The following SKAP2 variants were observed in gnomAD, a reference collection of about 807,000 sequenced individuals.
SKAP2 encodes src kinase-associated phosphoprotein 2.
A neutral mutation model predicts 54.9 loss-of-function variants in SKAP2; 28 were observed. The ratio of observed to expected loss-of-function variants is 0.51; its 90% CI spans 0.38 to 0.70. The LOEUF is 0.70. Among genes scored for constraint, SKAP2 ranks in the 30% least tolerant of loss-of-function variants. The probability of loss-of-function intolerance (pLI) is 0.00; values close to 1 mark genes in which losing one functional copy is unlikely to be tolerated. For synonymous variants in SKAP2, 137 were observed against 134.3 expected (o/e 1.02, Z -0.14); for missense variants, 356 against 424.1 (o/e 0.84, Z 1.41).
chr7:26,778,348 A>C (rs1475451021), intron 4 of SKAP2, among the ~76,000 whole-genome samples: 1 of 152,094 alleles, frequency 6.6e-6, no homozygotes, highest in Non-Finnish European at 1.5e-5. Flanking sequence ...TGATGACTAA[A>C]TGAAATAATT....
At chr7:26,756,540 G>GTA (rs1219479008) in intron 4 of SKAP2, among the ~76,000 whole-genome samples, 4 of 152,104 alleles carry the variant, frequency 2.6e-5, no homozygotes, top group Admixed American at 6.5e-5. Flanking sequence ...GTATTCCATG[G>GTA]TATATATATG....
chr7:26,796,104 C>A (rs956969916), intron 4 of SKAP2, among the ~76,000 whole-genome samples: 1 of 152,138 alleles, frequency 6.6e-6, no homozygotes, highest in African/African-American at 2.4e-5. Context: ...ATAAAACATA[C>A]AAATATCTAT....
intron 1 of SKAP2, among the ~76,000 whole-genome samples, chr7:26,860,890 C>A (rs1316042564): frequency 3.3e-3 from 1 of 302 alleles, no homozygotes; most frequent in Admixed American, 0.029. Context: ...CTAAAAATTC[C>A]CAGTAGGGAA....
chr7:26,660,063 T>C, the SKAP2 span, among the ~76,000 whole-genome samples: 1 of 152,090 alleles, frequency 6.6e-6, no homozygotes, highest in East Asian at 1.9e-4. Context: ...AAAAACTCAT[T>C]CAGAGAGAAA....
chr7:26,664,516 G>C (rs188515826), downstream of SKAP2, among the ~76,000 whole-genome samples: 4 of 152,172 alleles, frequency 2.6e-5, no homozygotes, highest in East Asian at 7.7e-4. Context: ...GCATACACTA[G>C]TGTCATTAAT....
intron 11 of SKAP2, among the ~76,000 whole-genome samples, chr7:26,682,777 G>T (rs1786532184): frequency 1.3e-5 from 2 of 152,100 alleles, no homozygotes; most frequent in South Asian, 4.1e-4. Flanking sequence ...CTCTAATCAG[G>T]CTTCACAAAT....
intron 4 of SKAP2, among the ~76,000 whole-genome samples, chr7:26,787,269 CTG>C (rs528882371): frequency 7.1e-4 from 107 of 151,702 alleles, no homozygotes; most frequent in African/African-American, 2.6e-3. Flanking sequence ...GTTCCGCAGG[CTG>C]TGCAAGTATG....
At chr7:26,813,809 T>A (rs1438323877) in intron 4 of SKAP2, among the ~76,000 whole-genome samples, 1 of 152,238 alleles carries the variant, frequency 6.6e-6, no homozygotes, top group Non-Finnish European at 1.5e-5. Context: ...GACTATTTCT[T>A]CACAGAGGTT....
chr7:26,720,445 A>C (rs1049377291), intron 9 of SKAP2, among the ~76,000 whole-genome samples: 5 of 152,228 alleles, frequency 3.3e-5, no homozygotes, highest in African/African-American at 1.2e-4. Context: ...AAAGATAAAA[A>C]TAATAAATAT....
At chr7:26,666,740 A>G (rs1786111432), downstream of SKAP2, among the ~76,000 whole-genome samples, 1 of 152,196 alleles carries the variant, frequency 6.6e-6, no homozygotes, top group Non-Finnish European at 1.5e-5. Flanking sequence ...AGTATTCAAA[A>G]CAATTGCTGG....
chr7:26,657,703 G>C, the SKAP2 span, among the ~76,000 whole-genome samples: 1 of 151,642 alleles, frequency 6.6e-6, no homozygotes, highest in Non-Finnish European at 1.5e-5. Context: ...AAGGCTGCCA[G>C]CTGAGATGAG....
rs1467712838 is a variant in SKAP2 at position 26,692,595 on chromosome 7, T to A, written c.797-2233A>T. On this transcript the variant is annotated intron_variant, in intron 9 of 12. Transcript: ENST00000345317. ...GGGACACCTGAAAATATCTGGCATT[T>A]TATTCATATTGTTAAACATAACACT... Among the ~76,000 whole-genome samples, 3 of 152,332 alleles carry A rather than the reference T, an allele frequency of 2.0e-5. No homozygotes were observed. In the South Asian group the frequency reaches 6.2e-4, roughly 32 times the overall value.
At chr7:26,725,082 T>G (rs1195543538) in intron 9 of SKAP2, among the ~76,000 whole-genome samples, 1 of 152,060 alleles carries the variant, frequency 6.6e-6, no homozygotes, top group Non-Finnish European at 1.5e-5. Flanking sequence ...AAAAACGATG[T>G]GTGAGTTGGT....
At chr7:26,773,583 TC>T (rs1369149308) in intron 4 of SKAP2, among the ~76,000 whole-genome samples, 6 of 152,170 alleles carry the variant, frequency 3.9e-5, no homozygotes, top group Admixed American at 6.6e-5. Context: ...CCTCCTAACT[TC>T]AATTTCTGAT....
At chr7:26,686,838 C>T (rs1438223839) in intron 10 of SKAP2, among the ~76,000 whole-genome samples, 2 of 152,168 alleles carry the variant, frequency 1.3e-5, no homozygotes, top group Non-Finnish European at 1.5e-5. Flanking sequence ...GGCCCTCCCC[C>T]ACAGTAACTG....
chr7:26,735,844 G>A (rs538824064), intron 6 of SKAP2, among the ~76,000 whole-genome samples: 1 of 152,194 alleles, frequency 6.6e-6, no homozygotes, highest in Admixed American at 6.5e-5. Flanking sequence ...TGCCAAACAA[G>A]TAATTAAAAA....
At chr7:26,705,192 A>G (rs942572325) in intron 9 of SKAP2, among the ~76,000 whole-genome samples, 1 of 152,136 alleles carries the variant, frequency 6.6e-6, no homozygotes, top group Admixed American at 6.5e-5. Flanking sequence ...CCAAATAACA[A>G]CTGATTTTTT....
chr7:26,764,693 C>G (rs1783007854), intron 4 of SKAP2, among the ~76,000 whole-genome samples: 1 of 151,964 alleles, frequency 6.6e-6, no homozygotes. Context: ...TTGCTGCACC[C>G]ATCAACCCAT....
chr7:26,728,511 A>G (rs1436112596), intron 6 of SKAP2, among the ~76,000 whole-genome samples: 3 of 152,146 alleles, frequency 2.0e-5, no homozygotes, highest in African/African-American at 4.8e-5. Context: ...CTATTGGGAA[A>G]AAAGTATTAA....
Sources: gnomAD v4.1 joint callset for allele counts (sites outside exome capture counted in the v4.1 genomes callset) on GRCh38, gnomAD v4.1.1 for gene constraint, MANE v1.5 for transcripts, NCBI Gene and HGNC (gene_info 2026-07-23, HGNC 2026-07-21) for gene names.